Variants in CNOT6L observed in about 807,000 individuals in gnomAD.
The protein encoded by CNOT6L is CCR4-NOT transcription complex subunit 6-like.
In CNOT6L, 7 loss-of-function variants were observed where a neutral mutation model predicts 64.0. That is an observed-to-expected ratio of 0.11 (90% CI 0.06 to 0.21). CNOT6L has a LOEUF of 0.21. CNOT6L is among the 10% of genes least tolerant of loss of function. CNOT6L has a pLI of 1.00. For synonymous variants in CNOT6L, 193 were observed against 243.4 expected, an observed-to-expected ratio of 0.79 and a Z score of 1.93; for missense variants, 245 against 669.0, an observed-to-expected ratio of 0.37 and a Z score of 6.99.
intron 1 of CNOT6L, among the ~76,000 whole-genome samples, chr4:77,794,530 A>G (rs191010821): frequency 1.9e-4 from 29 of 152,312 alleles, no homozygotes; most frequent in African/African-American, 7.0e-4. Context: ...AATACACATG[A>G]TCATCTCAAT....
intron 1 of CNOT6L, among the ~76,000 whole-genome samples, chr4:77,805,991 G>A (rs551578416): frequency 4.6e-5 from 7 of 152,236 alleles, no homozygotes; most frequent in South Asian, 4.1e-4. Context: ...TGCCTCTTCC[G>A]TTTTTCTCAT....
intron 1 of CNOT6L, among the ~76,000 whole-genome samples, chr4:77,793,504 A>G (rs1462366824): frequency 6.6e-6 from 1 of 152,194 alleles, no homozygotes; most frequent in Non-Finnish European, 1.5e-5. Context: ...TGGGTGGCAC[A>G]GTGGGATTTA....
chr4:77,819,078 C>CA, intron 1 of CNOT6L: 1 of 288,484 alleles, frequency 3.5e-6, no homozygotes, highest in Non-Finnish European at 6.0e-6. Context: ...ACACACACCC[C>CA]GGAACCTTCG....
chr4:77,782,028 A>G (rs930361478), intron 1 of CNOT6L, among the ~76,000 whole-genome samples: 6 of 152,190 alleles, frequency 3.9e-5, no homozygotes, highest in Admixed American at 2.0e-4. Flanking sequence ...AAAAAACACA[A>G]AATTAAGCCT....
chr4:77,726,861 C>T (rs1422321004), intron 10 of CNOT6L, among the ~76,000 whole-genome samples: 1 of 152,136 alleles, frequency 6.6e-6, no homozygotes, highest in Admixed American at 6.5e-5. Flanking sequence ...CTAATGTCAG[C>T]TAGACAATAT....
At chr4:77,819,483 CCCGAGGGGAAG>C (rs1734053767), upstream of CNOT6L, 4 of 1,368,626 alleles carry the variant, frequency 2.9e-6, no homozygotes, top group Admixed American at 9.3e-5. Flanking sequence ...TCCCGCCCGC[CCCGAGGGGAAG>C]CCGCGGCGGC....
chr4:77,735,701 A>T (rs1722873814), intron 8 of CNOT6L, among the ~76,000 whole-genome samples: 1 of 152,116 alleles, frequency 6.6e-6, no homozygotes, highest in Non-Finnish European at 1.5e-5. Context: ...GCAAAACATA[A>T]ATTGTATAGA....
At chr4:77,766,766 A>T (rs1422707303) in intron 4 of CNOT6L, among the ~76,000 whole-genome samples, 1 of 151,740 alleles carries the variant, frequency 6.6e-6, no homozygotes, top group Non-Finnish European at 1.5e-5. Context: ...AAAAAACCTT[A>T]AAAAATAAAA....
chr4:77,754,526 T>C (rs903189291), intron 5 of CNOT6L, among the ~76,000 whole-genome samples: 2 of 152,084 alleles, frequency 1.3e-5, no homozygotes, highest in Admixed American at 1.3e-4. Flanking sequence ...CTCTACATTT[T>C]AGAGAGGGGA....
chr4:77,752,654 T>C (rs1724981313), intron 5 of CNOT6L, among the ~76,000 whole-genome samples: 1 of 151,740 alleles, frequency 6.6e-6, no homozygotes, highest in African/African-American at 2.4e-5. Flanking sequence ...TATTAGAAAA[T>C]ATGCTGAACT....
At chr4:77,728,746 T>G in intron 10 of CNOT6L, 108 bp downstream of exon 10, 2 of 808,140 alleles carry the variant, frequency 2.5e-6, no homozygotes, top group Admixed American at 4.3e-5. Flanking sequence ...CATGGAATTC[T>G]TATGATACAT....
chr4:77,801,236 A>C (rs1047346048), intron 1 of CNOT6L, among the ~76,000 whole-genome samples: 3 of 152,202 alleles, frequency 2.0e-5, no homozygotes, highest in Non-Finnish European at 4.4e-5. Flanking sequence ...AGTATTGTTC[A>C]TTTCCCACAA....
At chr4:77,723,217 T>C (rs1721477490) in intron 11 of CNOT6L, among the ~76,000 whole-genome samples, 1 of 151,696 alleles carries the variant, frequency 6.6e-6, no homozygotes, top group Admixed American at 6.6e-5. Flanking sequence ...GAAAGTAATG[T>C]TGAAAAAGGA....
chr4:77,779,345 G>T (rs1261529128), intron 1 of CNOT6L, among the ~76,000 whole-genome samples: 1 of 151,942 alleles, frequency 6.6e-6, no homozygotes, highest in African/African-American at 2.4e-5. Context: ...TCTAAAAATT[G>T]ATACAAAGAA....
At chr4:77,747,089 A>C (rs997699364) in intron 6 of CNOT6L, among the ~76,000 whole-genome samples, 1 of 152,162 alleles carries the variant, frequency 6.6e-6, no homozygotes, top group South Asian at 2.1e-4. Flanking sequence ...AAAAAAGCCC[A>C]AAACTCACAA....
Position 77,744,732 on chromosome 4 carries a change from T to C in CNOT6L, c.703A>G (p.Ile235Val). 2 of 1,611,990 alleles carry C rather than the reference T, an allele frequency of 1.2e-6. No homozygotes were observed. Among genetic ancestry groups the C allele is most frequent in the East Asian group, 2.2e-5 (1 of 44,850 alleles). ...TATGGTGTTACCTGAAGACTAATGATATCTGCGTCACAGTTAACAATTTCT... is the reference window on the plus strand; with the variant it reads ...TATGGTGTTACCTGAAGACTAATGACATCTGCGTCACAGTTAACAATTTCT... ...MEEIVNCDAD[I>V]ISLQEVETEQ... Residue 235 changes from isoleucine to valine, a missense_variant, in exon 7 of 12, where the codon ATC becomes GTC. Physicochemically the swap from Ile to Val is conservative, Grantham distance 29. Around this residue, in one of 10 missense-constraint regions of CNOT6L, gnomAD observed 94 missense variants for 290.9 expected, o/e 0.32. Transcript: ENST00000504123.
chr4:77,815,232 CA>C (rs1675897249), intron 1 of CNOT6L, among the ~76,000 whole-genome samples: 1 of 152,122 alleles, frequency 6.6e-6, no homozygotes. Flanking sequence ...GAACTGATTT[CA>C]AAATACAAAG....
intron 4 of CNOT6L, among the ~76,000 whole-genome samples, chr4:77,767,502 T>C (rs1400074109): frequency 6.6e-6 from 1 of 152,114 alleles, no homozygotes; most frequent in South Asian, 2.1e-4. Flanking sequence ...AATTTACTAC[T>C]GGAAAGGAAA....
intron 1 of CNOT6L, among the ~76,000 whole-genome samples, chr4:77,813,178 T>C (rs758825909): frequency 1.3e-5 from 2 of 152,080 alleles, no homozygotes; most frequent in African/African-American, 2.4e-5. Context: ...CAACAGACCA[T>C]GTACAGAAAT....
Sources: allele counts gnomAD v4.1 joint callset (sites outside exome capture counted in the v4.1 genomes callset), GRCh38; gene constraint gnomAD v4.1.1; regional missense constraint gnomAD v4.1.1; transcripts MANE v1.5; gene names NCBI Gene and HGNC (gene_info 2026-07-23, HGNC 2026-07-21).